INSYN2A: variants seen among roughly 807,000 people sequenced by gnomAD.
The protein encoded by INSYN2A is family with sequence similarity 196 member A.
A neutral mutation model predicts 39.4 loss-of-function variants in INSYN2A; 17 were observed. The observed-to-expected ratio is 0.43, with a 90% CI of 0.30 to 0.65. The LOEUF (loss-of-function observed/expected upper bound fraction) is 0.65. INSYN2A is among the 30% of genes least tolerant of loss of function. The pLI is 0.14. For synonymous variants in INSYN2A, 255 were observed against 265.7 expected (o/e 0.96, Z 0.39); for missense variants, 595 against 631.2 (o/e 0.94, Z 0.61).
chr10:127,174,415 G>A (rs766259471), intron 4 of INSYN2A, among the ~76,000 whole-genome samples: 2 of 152,188 alleles, frequency 1.3e-5, no homozygotes, highest in African/African-American at 2.4e-5. Flanking sequence ...GGAGGCTTCC[G>A]CACTGGGGAG....
intron 5 of INSYN2A, among the ~76,000 whole-genome samples, chr10:127,149,338 C>G (rs1043979941): frequency 6.6e-6 from 1 of 152,174 alleles, no homozygotes; most frequent in African/African-American, 2.4e-5. Flanking sequence ...TCTCACCTTT[C>G]GCTTGTCGTA....
intron 5 of INSYN2A, among the ~76,000 whole-genome samples, chr10:127,143,337 A>T (rs1029394165): frequency 4.6e-5 from 7 of 152,192 alleles, no homozygotes; most frequent in African/African-American, 1.7e-4. Flanking sequence ...AGCAGGTCAG[A>T]GGCCTCTGCC....
intron 5 of INSYN2A, among the ~76,000 whole-genome samples, chr10:127,142,128 C>T (rs1419858230): frequency 6.6e-6 from 1 of 152,194 alleles, no homozygotes; most frequent in Non-Finnish European, 1.5e-5. Flanking sequence ...GGAGGTCTAG[C>T]TGGATGTTTT....
chr10:127,141,966 T>C (rs2051304078), intron 5 of INSYN2A, among the ~76,000 whole-genome samples: 1 of 152,232 alleles, frequency 6.6e-6, no homozygotes, highest in Admixed American at 6.5e-5. Flanking sequence ...GGTCCCCTCC[T>C]TTCCGTCTTC....
chr10:127,149,832 G>A (rs2052316394), intron 5 of INSYN2A, among the ~76,000 whole-genome samples: 1 of 152,120 alleles, frequency 6.6e-6, no homozygotes, highest in African/African-American at 2.4e-5. Context: ...CCAATCCCGG[G>A]GTGTTCCAGG....
chr10:127,173,990 C>T (rs1261869886), intron 4 of INSYN2A, among the ~76,000 whole-genome samples: 1 of 152,232 alleles, frequency 6.6e-6, no homozygotes, highest in Non-Finnish European at 1.5e-5. Flanking sequence ...CTGCCCCAGC[C>T]TCTCCACTGC....
At chr10:127,150,239 C>T (rs1446631820) in intron 5 of INSYN2A, among the ~76,000 whole-genome samples, 2 of 152,200 alleles carry the variant, frequency 1.3e-5, no homozygotes, top group Admixed American at 6.5e-5. Flanking sequence ...CACTTTTCTA[C>T]CGAAGAAACT....
chr10:127,194,081 T>A (rs1450746931), intron 1 of INSYN2A, among the ~76,000 whole-genome samples: 2 of 152,254 alleles, frequency 1.3e-5, no homozygotes, highest in African/African-American at 4.8e-5. Context: ...CAAGGACATC[T>A]TGTCTTTAAG....
At chr10:127,144,289 C>T (rs1478395193) in intron 5 of INSYN2A, among the ~76,000 whole-genome samples, 1 of 152,104 alleles carries the variant, frequency 6.6e-6, no homozygotes, top group African/African-American at 2.4e-5. Context: ...TCTAGAATAA[C>T]AAAGTCCACC....
chr10:127,151,748 C>T (rs1324040235), intron 5 of INSYN2A, among the ~76,000 whole-genome samples: 3 of 152,166 alleles, frequency 2.0e-5, no homozygotes, highest in Admixed American at 6.5e-5. Flanking sequence ...AGTGAGTCTT[C>T]CTAAGTCTTG....
chr10:127,147,971 C>CA (rs1404822848), intron 5 of INSYN2A, among the ~76,000 whole-genome samples: 1 of 131,998 alleles, frequency 7.6e-6, no homozygotes, highest in East Asian at 2.4e-4. Flanking sequence ...GAGGAGGGTG[C>CA]AGTGAGCCGA....
chr10:127,150,542 A>G (rs1435312595), intron 5 of INSYN2A, among the ~76,000 whole-genome samples: 1 of 152,206 alleles, frequency 6.6e-6, no homozygotes, highest in Non-Finnish European at 1.5e-5. Flanking sequence ...GGGACCCTTA[A>G]CTAACTGGCT....
chr10:127,148,030 C>CAAAAAAAAAA (rs57503481), intron 5 of INSYN2A, among the ~76,000 whole-genome samples: 1 of 63,276 alleles, frequency 1.6e-5, no homozygotes, highest in Non-Finnish European at 3.3e-5. Context: ...GACTCTGTCT[C>CAAAAAAAAAA]AAAAAAAAAA....
chr10:127,147,750 TG>T (rs1377672245), intron 5 of INSYN2A, among the ~76,000 whole-genome samples: 2 of 152,076 alleles, frequency 1.3e-5, no homozygotes, highest in Non-Finnish European at 2.9e-5. Flanking sequence ...CACCTGTCCT[TG>T]TCTGGGCACG....
At chr10:127,172,714 C>T (rs1486179546) in intron 4 of INSYN2A, among the ~76,000 whole-genome samples, 6 of 152,138 alleles carry the variant, frequency 3.9e-5, no homozygotes, top group African/African-American at 1.4e-4. Flanking sequence ...CTACCTTCCA[C>T]CGTGAGCTTG....
rs138367342 is a variant in INSYN2A, at chr10:127,182,282, C to T, written c.-268-5143G>A. ...TTCAGCCCCCACTCATGCATATCTG[C>T]GGTTTTAGAAAACACTCTTAACGAA... On this transcript the variant is annotated intron_variant, in intron 2 of 5. Coordinates refer to ENST00000522781, the MANE Select transcript of INSYN2A (RefSeq NM_001039762.3). Among the ~76,000 whole-genome samples, 1,140 of 152,238 alleles carry T rather than the reference C, an allele frequency of 7.5e-3. 6 individuals carry two copies. Among genetic ancestry groups the T allele is most frequent in the African/African-American group, 0.017 (700 of 41,544 alleles).
chr10:127,152,674 A>G (rs1354185686), intron 5 of INSYN2A, among the ~76,000 whole-genome samples: 1 of 152,254 alleles, frequency 6.6e-6, no homozygotes, highest in Non-Finnish European at 1.5e-5. Flanking sequence ...TACCTGCTGC[A>G]TAACCGGCAG....
At chr10:127,172,318 A>G (rs1031165010) in intron 4 of INSYN2A, among the ~76,000 whole-genome samples, 6 of 152,120 alleles carry the variant, frequency 3.9e-5, no homozygotes, top group Non-Finnish European at 8.8e-5. Flanking sequence ...CACCATGGAA[A>G]TCAGCAGATG....
chr10:127,145,604 C>T (rs2051738447), intron 5 of INSYN2A, among the ~76,000 whole-genome samples: 1 of 152,150 alleles, frequency 6.6e-6, no homozygotes, highest in African/African-American at 2.4e-5. Context: ...ATCCCATGAC[C>T]CAGGGCCATC....
Sources: allele counts gnomAD v4.1 joint callset (sites outside exome capture counted in the v4.1 genomes callset), GRCh38; gene constraint gnomAD v4.1.1; transcripts MANE v1.5; gene names NCBI Gene and HGNC (gene_info 2026-07-23, HGNC 2026-07-21).